Variants in CYP3A43 observed in about 807,000 individuals in gnomAD.
CYP3A43 encodes the protein cytochrome P450 3A43.
CYP3A43 carries 45 observed loss-of-function variants against 58.0 expected under a neutral mutation model. The observed-to-expected ratio is 0.78, with a 90% CI of 0.61 to 0.99. CYP3A43 has a LOEUF of 0.99. Among genes scored for constraint, CYP3A43 ranks in the 50% least tolerant of loss-of-function variants. The pLI, the probability that CYP3A43 is intolerant of heterozygous loss-of-function variation, is 0.00. For synonymous variants in CYP3A43, 191 were observed against 201.4 expected, an observed-to-expected ratio of 0.95 and a Z score of 0.44; for missense variants, 593 against 591.9, an observed-to-expected ratio of 1.00 and a Z score of -0.02.
rs137998309 is a variant in CYP3A43 at position 99,859,018 on chromosome 7, T to C, written c.866-812T>C. ...AGCCTGTTTTATTAAAACCACTCAT[T>C]GGACTACAGTCAATCACCTCACTTC... On this transcript the variant is annotated intron_variant, in intron 9 of 12. Transcript: ENST00000354829. 2.6e-3 allele frequency among the ~76,000 whole-genome samples: 391 copies of C among 151,992 alleles called. 2 individuals are homozygous for C. Among genetic ancestry groups the C allele is most frequent in the African/African-American group, 9.1e-3 (376 of 41,298 alleles).
In CYP3A43 at chr7:99,839,466, C is replaced by T. The variant is rs1292263742; in HGVS notation, c.218+294C>T. 6.8e-6 allele frequency: 4 copies of T among 590,216 alleles called. No individual in the cohort carries two copies. The African/African-American group carries it at 7.3e-5, about 11-fold the overall frequency. The allele number at this position is 590,216 out of a possible 1,614,324, so 36.6% of individuals were successfully genotyped here. A position where few individuals can be genotyped will look rare whatever the true frequency, so the allele number is the denominator to read the frequency against. ...AATCGAGCTTGAGAATTAAGTCATA[C>T]CTTACTGCCTTCCTTTTTTCCCCAG... On this transcript the variant is annotated intron_variant, in intron 3 of 12. Transcript: ENST00000354829.
At chr7:99,836,428 C>A in intron 1 of CYP3A43, 25 bp from the exon 2 acceptor site, 1 of 1,593,456 alleles carries the variant, frequency 6.3e-7, no homozygotes, top group Non-Finnish European at 8.6e-7. Context: ...ATTTCTGTAA[C>A]CTGGCTTTCT....
chr7:99,862,623 T>C (rs930062209), intron 11 of CYP3A43, among the ~76,000 whole-genome samples: 2 of 152,252 alleles, frequency 1.3e-5, no homozygotes, highest in Admixed American at 6.5e-5. Flanking sequence ...ATTTGCACTC[T>C]GGAAATAGTT....
At chr7:99,865,881 G>T in intron 12 of CYP3A43, 25 bp from the exon 13 acceptor site, 1 of 1,473,004 alleles carries the variant, frequency 6.8e-7, no homozygotes, top group South Asian at 1.2e-5. Context: ...CATTGTTTCT[G>T]AATATTCTTG....
At chr7:99,852,676 T>C (rs1262658746) in intron 7 of CYP3A43, among the ~76,000 whole-genome samples, 5 of 152,212 alleles carry the variant, frequency 3.3e-5, no homozygotes, top group Non-Finnish European at 7.4e-5. Context: ...CATTTGTTAG[T>C]TTTAATAGGT....
At chr7:99,833,364 A>G (rs954443442) in intron 1 of CYP3A43, among the ~76,000 whole-genome samples, 7 of 152,212 alleles carry the variant, frequency 4.6e-5, no homozygotes, top group African/African-American at 1.7e-4. Context: ...CTAGAGAAGT[A>G]AGAAACAAAC....
chr7:99,836,416 CA>C (rs1407343410), intron 1 of CYP3A43, 36 bp from the exon 2 acceptor site: 2 of 1,572,916 alleles, frequency 1.3e-6, no homozygotes. Context: ...TATAAAGTTA[CA>C]ATTTCTGTAA....
At chr7:99,849,185 A>G (rs1361611354) in intron 6 of CYP3A43, among the ~76,000 whole-genome samples, 1 of 152,166 alleles carries the variant, frequency 6.6e-6, no homozygotes, top group East Asian at 1.9e-4. Context: ...AGAAAGAGTT[A>G]ATTATTTTAT....
chr7:99,862,962 C>A (rs1393456384), intron 11 of CYP3A43, among the ~76,000 whole-genome samples: 1 of 152,164 alleles, frequency 6.6e-6, no homozygotes, highest in East Asian at 1.9e-4. Flanking sequence ...ATTCAGTCAC[C>A]AAACAGATAG....
intron 4 of CYP3A43, among the ~76,000 whole-genome samples, chr7:99,845,948 G>T (rs909354890): frequency 1.3e-4 from 19 of 150,316 alleles, no homozygotes; most frequent in African/African-American, 4.6e-4. Context: ...GCTAATCTGG[G>T]GTATTTTTAG....
At chr7:99,850,079 C>T (rs748770970) in intron 7 of CYP3A43, 16 of 426,454 alleles carry the variant, frequency 3.8e-5, no homozygotes, top group South Asian at 2.5e-4. Flanking sequence ...GCCTCAGCCT[C>T]CTGAGGAGCT....
Position 99,856,866 on chromosome 7 carries a change from T to A in CYP3A43, c.832T>A (p.Ser278Thr). The change falls in exon 9 of 13, where the codon TCC becomes ACC. Residue 278 changes from serine (S) to threonine (T), a missense_variant. Physicochemically the swap from Ser to Thr is moderately conservative, Grantham distance 58 (BLOSUM62 1). Transcript: ENST00000354829. Reference protein sequence around the residue: ...RVDFFQQMIDSQNSKETKSHK... With the variant: ...RVDFFQQMIDTQNSKETKSHK... Reference sequence around the variant, plus strand: ...AGATTTCTTTCAACAGATGATCGACTCCCAGAATTCCAAAGAAACAAAGTC... The same window carrying A: ...AGATTTCTTTCAACAGATGATCGACACCCAGAATTCCAAAGAAACAAAGTC... 1.2e-6 allele frequency: 2 copies of A among 1,613,950 alleles called. No homozygotes were observed. Among genetic ancestry groups the A allele is most frequent in the Non-Finnish European group, 1.7e-6 (2 of 1,179,960 alleles).
At position 99,861,751 on chromosome 7, in the gene CYP3A43, C is replaced by A. The variant is rs1226815854; in HGVS notation, c.1165C>A (p.Pro389Thr). Residue 389 changes from proline (P) to threonine (T), a missense_variant, in exon 11 of 13, where the codon CCC becomes ACC. Coordinates refer to ENST00000354829, the MANE Select transcript of CYP3A43 (RefSeq NM_057095.3). ...KDIEINGVFI[P>T]KGLAVMVPIY... ...TATTGAAATCAATGGAGTGTTCATT[C>A]CCAAAGGGTTAGCAGTGATGGTTCC... is the stretch of plus-strand genomic sequence containing the variant. 1.9e-6 allele frequency: 3 copies of A among 1,614,116 alleles called. No homozygotes were observed. In the South Asian group the frequency reaches 3.3e-5, roughly 18 times the overall value.
chr7:99,843,799 A>G (rs79402697), intron 3 of CYP3A43, among the ~76,000 whole-genome samples: 1 of 152,310 alleles, frequency 6.6e-6, no homozygotes, highest in East Asian at 1.9e-4. Context: ...ACAAAAGATT[A>G]TGGAGAATGG....
chr7:99,847,687 T>C (rs1817589035), intron 5 of CYP3A43, 86 bp downstream of exon 5: 3 of 1,582,088 alleles, frequency 1.9e-6, no homozygotes, highest in South Asian at 1.1e-5. Context: ...TCCTTTCTAA[T>C]GGGTAGTCCA....
intron 9 of CYP3A43, among the ~76,000 whole-genome samples, chr7:99,858,002 G>A (rs1315513325): frequency 6.6e-6 from 1 of 152,084 alleles, no homozygotes; most frequent in Non-Finnish European, 1.5e-5. Context: ...TGTGAAAAGG[G>A]AAACAGTCTA....
chr7:99,846,869 A>C (rs1170602627), intron 4 of CYP3A43, among the ~76,000 whole-genome samples: 1 of 152,194 alleles, frequency 6.6e-6, no homozygotes, highest in Non-Finnish European at 1.5e-5. Flanking sequence ...TATTGGACTA[A>C]TAGGCCTGTC....
chr7:99,832,529 G>A (rs1406707375), intron 1 of CYP3A43, among the ~76,000 whole-genome samples: 2 of 135,750 alleles, frequency 1.5e-5, no homozygotes, highest in South Asian at 2.7e-4. Context: ...ATCACACACC[G>A]GGGACTGTTG....
chr7:99,839,154 AATAC>A lies in CYP3A43; in HGVS notation c.201_204del (p.Tyr68GlufsTer21). ...AATTTTGACAGAGAATGTAATGAAA[AATAC>A]GGAGAAATGTGGGGGTGAGTATTCT... is the stretch of plus-strand genomic sequence containing the variant. On this transcript the variant is annotated frameshift_variant, in exon 3 of 13. Coordinates refer to ENST00000354829, the MANE Select transcript of CYP3A43 (RefSeq NM_057095.3). LOFTEE classifies it high-confidence loss of function. 1 of 1,614,152 alleles carries A rather than the reference AATAC, an allele frequency of 6.2e-7. No homozygotes were observed. The highest frequency in any genetic ancestry group is 8.5e-7 in the Non-Finnish European group (1 of 1,180,024).
Sources: allele counts gnomAD v4.1 joint callset (sites outside exome capture counted in the v4.1 genomes callset), GRCh38; gene constraint gnomAD v4.1.1; transcripts MANE v1.5; gene names NCBI Gene and HGNC (gene_info 2026-07-23, HGNC 2026-07-21).